Variants in GPHN observed in about 807,000 individuals in gnomAD.
GPHN encodes the protein gephyrin.
GPHN carries 17 observed loss-of-function variants against 95.5 expected under a neutral mutation model. The ratio of observed to expected loss-of-function variants is 0.18; its 90% CI spans 0.12 to 0.27. The LOEUF is 0.27. GPHN is among the 10% of genes least tolerant of loss of function. The pLI, the probability that GPHN is intolerant of heterozygous loss-of-function variation, is 1.00. For missense variants in GPHN, 660 were observed against 978.1 expected, an observed-to-expected ratio of 0.67 and a Z score of 4.34; for synonymous variants, 320 against 322.5, an observed-to-expected ratio of 0.99 and a Z score of 0.08.
chr14:67,666,532 T>C, the GPHN span, among the ~76,000 whole-genome samples: 2 of 152,244 alleles, frequency 1.3e-5, no homozygotes. Context: ...TGAAATCATT[T>C]CTTGTGATGA....
chr14:67,719,956 G>T, the GPHN span, among the ~76,000 whole-genome samples: 1 of 152,144 alleles, frequency 6.6e-6, no homozygotes, highest in Non-Finnish European at 1.5e-5. Flanking sequence ...ATACATGGAA[G>T]TCGAATGTTT....
At chr14:66,722,228 G>A (rs533058022) in intron 2 of GPHN, among the ~76,000 whole-genome samples, 1 of 152,148 alleles carries the variant, frequency 6.6e-6, no homozygotes, top group East Asian at 1.9e-4. Flanking sequence ...AAGGTAACAT[G>A]AAATTGTTCA....
At chr14:66,657,055 A>G (rs570414394) in intron 1 of GPHN, among the ~76,000 whole-genome samples, 1 of 152,342 alleles carries the variant, frequency 6.6e-6, no homozygotes, top group South Asian at 2.1e-4. Flanking sequence ...ATGGAAACTA[A>G]AAGTTTTTGA....
Position 67,181,136 on chromosome 14 carries a change from G to A in GPHN, c.*199G>A, listed in dbSNP as rs2140213919. 1 of 650,088 alleles carries A rather than the reference G, an allele frequency of 1.5e-6. No individual in the cohort carries two copies. The highest frequency in any genetic ancestry group is 2.6e-6 in the Non-Finnish European group (1 of 384,914). 40.3% of individuals were successfully genotyped at this position (650,088 alleles called of 1,614,324 possible). A position where few individuals can be genotyped will look rare whatever the true frequency, so the allele number is the denominator to read the frequency against. On this transcript the variant is annotated 3_prime_UTR_variant, in exon 23 of 23. Transcript: ENST00000478722. ...AAAATAAATCTTAACAGAAAATTCT[G>A]TTCTGATTATATCAAGGCAAATTTT...
chr14:67,164,050 C>T (rs1432118510), intron 19 of GPHN, among the ~76,000 whole-genome samples: 1 of 151,836 alleles, frequency 6.6e-6, no homozygotes, highest in Non-Finnish European at 1.5e-5. Flanking sequence ...AGGCGGATCA[C>T]CTGAGGTCGG....
intron 2 of GPHN, among the ~76,000 whole-genome samples, chr14:66,765,640 C>T (rs567057288): frequency 2.6e-4 from 39 of 152,008 alleles, no homozygotes; most frequent in Non-Finnish European, 3.5e-4. Context: ...GGGAGTGGAA[C>T]GAAAAACTAC....
the GPHN span, among the ~76,000 whole-genome samples, chr14:67,243,056 C>A: frequency 4.6e-5 from 7 of 152,104 alleles, no homozygotes; most frequent in Non-Finnish European, 7.4e-5. Flanking sequence ...AAATTTATCA[C>A]CCATTCCAAG....
chr14:66,697,669 T>TTTTTTC (rs1279585228), intron 2 of GPHN, among the ~76,000 whole-genome samples: 3 of 131,786 alleles, frequency 2.3e-5, no homozygotes, highest in Non-Finnish European at 4.5e-5. Flanking sequence ...TTGCCTTTTT[T>TTTTTTC]TTTTTTCTTT....
At chr14:67,592,526 A>T in the GPHN span, 1 of 653,856 alleles carries the variant, frequency 1.5e-6, no homozygotes. Context: ...CCTAATTATC[A>T]CTCAAAACAG....
At chr14:66,518,259 G>A (rs1326632858) in intron 1 of GPHN, among the ~76,000 whole-genome samples, 1 of 152,046 alleles carries the variant, frequency 6.6e-6, no homozygotes, top group Admixed American at 6.6e-5. Flanking sequence ...TTAATCATCA[G>A]GAAAATGCAA....
chr14:67,482,421 G>T, the GPHN span, among the ~76,000 whole-genome samples: 1 of 152,346 alleles, frequency 6.6e-6, no homozygotes, highest in African/African-American at 2.4e-5. Flanking sequence ...TTTTTGTCCA[G>T]AGAAGCATCT....
At chr14:67,307,303 A>G in the GPHN span, among the ~76,000 whole-genome samples, 29 of 144,362 alleles carry the variant, frequency 2.0e-4, no homozygotes, top group Non-Finnish European at 3.5e-4. Flanking sequence ...AGATTATTCT[A>G]TACTATAATA....
chr14:67,107,683 ACT>A (rs2153683699), intron 13 of GPHN, among the ~76,000 whole-genome samples: 1 of 152,096 alleles, frequency 6.6e-6, no homozygotes, highest in Non-Finnish European at 1.5e-5. Context: ...CTCACTTCAG[ACT>A]CTGAGGCCAG....
chr14:67,345,666 A>G, the GPHN span: 1 of 702,088 alleles, frequency 1.4e-6, no homozygotes, highest in Non-Finnish European at 2.5e-6. Context: ...GGGAACAGTT[A>G]AAAGTACAAA....
the GPHN span, chr14:67,337,772 T>TA: frequency 6.6e-6 from 1 of 152,252 alleles, no homozygotes; most frequent in African/African-American, 2.4e-5. Flanking sequence ...AGCAAGTTTT[T>TA]ATCACTTATA....
In GPHN at chr14:66,967,313, ATAAAT is replaced by A. The variant is rs1053368618; in HGVS notation, c.963+1993_963+1997del. 1.1e-3 allele frequency among the ~76,000 whole-genome samples: 172 copies of A among 152,130 alleles called. 4 individuals are homozygous for A. The highest frequency in any genetic ancestry group is 4.0e-3 in the African/African-American group (166 of 41,580). On this transcript the variant is annotated intron_variant, in intron 9 of 22. Coordinates refer to ENST00000478722, the MANE Select transcript of GPHN (RefSeq NM_020806.5). Reference sequence around the variant, plus strand: ...GGCATCTGGAAATAACGTTTAAAAAATAAATTAAAGGACAGAAGGAAGTGAAATTT... The same window carrying A: ...GGCATCTGGAAATAACGTTTAAAAAATAAAGGACAGAAGGAAGTGAAATTT...
At chr14:67,369,965 G>A in the GPHN span, among the ~76,000 whole-genome samples, 17 of 152,316 alleles carry the variant, frequency 1.1e-4, no homozygotes, top group South Asian at 3.3e-3. Flanking sequence ...AGAGCTGAGA[G>A]CCCCGAACAG....
chr14:67,133,522 G>A (rs1026769505), intron 17 of GPHN, among the ~76,000 whole-genome samples: 18 of 152,040 alleles, frequency 1.2e-4, no homozygotes, highest in African/African-American at 3.9e-4. Context: ...TTTTATGCCA[G>A]AATCAGGATT....
intron 4 of GPHN, among the ~76,000 whole-genome samples, chr14:66,875,844 C>T (rs192860337): frequency 6.6e-5 from 10 of 152,140 alleles, no homozygotes; most frequent in East Asian, 5.8e-4. Context: ...GACAGATCAA[C>T]GAGACAGAAA....
Sources: gnomAD v4.1 joint callset for allele counts (sites outside exome capture counted in the v4.1 genomes callset) on GRCh38, gnomAD v4.1.1 for gene constraint, MANE v1.5 for transcripts, NCBI Gene and HGNC (gene_info 2026-07-23, HGNC 2026-07-21) for gene names.